The following FAM135B variants were observed in gnomAD, a reference collection of about 807,000 sequenced individuals.
FAM135B encodes family with sequence similarity 135 member B, also known as protein FAM135B.
A neutral mutation model predicts 127.7 loss-of-function variants in FAM135B; 43 were observed. That is an observed-to-expected ratio of 0.34 (90% confidence interval 0.26 to 0.43). The LOEUF (loss-of-function observed/expected upper bound fraction) is 0.43, where lower values mean the gene tolerates loss of function less well. FAM135B is among the 20% of genes least tolerant of loss of function. FAM135B has a pLI of 1.00. For missense variants in FAM135B, 1,558 were observed against 1,725.6 expected (o/e 0.90, Z 1.72); for synonymous variants, 670 against 665.1 (o/e 1.01, Z -0.11).
intron 1 of FAM135B, among the ~76,000 whole-genome samples, chr8:138,374,863 G>A (rs1831363929): frequency 6.6e-6 from 1 of 152,162 alleles, no homozygotes; most frequent in Non-Finnish European, 1.5e-5. Context: ...ATGCTTAGGA[G>A]GAGGGCAGGA....
chr8:138,320,525 T>C (rs960752172), intron 2 of FAM135B, among the ~76,000 whole-genome samples: 2 of 152,234 alleles, frequency 1.3e-5, no homozygotes, highest in Non-Finnish European at 2.9e-5. Flanking sequence ...TCTCGTTTCA[T>C]GTATTTCATT....
chr8:138,152,049 G>C lies in FAM135B; in HGVS notation c.2426C>G (p.Pro809Arg), dbSNP rs1287661546. ...ACCACAAAGTTGAGAGCAAGATCCT[G>C]GGGAACCTTGGCTCTTGCTGTGCAT... ...SDMHSKSQGSPGSCSQLCGDS... is the reference protein window; with the variant it reads ...SDMHSKSQGSRGSCSQLCGDS... The change falls in exon 13 of 20, where the codon CCA becomes CGA. Residue 809 changes from proline (P) to arginine (R), a missense_variant. Pro to Arg is a moderately radical substitution (Grantham distance 103, BLOSUM62 -2). This residue lies in a region of FAM135B where 923 missense variants were observed against 865.3 expected (regional missense o/e 1.07). Transcript: ENST00000395297. 6.2e-7 allele frequency: 1 copy of C among 1,613,968 alleles called. No homozygotes were observed.
intron 1 of FAM135B, among the ~76,000 whole-genome samples, chr8:138,378,603 G>A (rs1831638150): frequency 6.6e-6 from 1 of 152,166 alleles, no homozygotes. Context: ...TAGGAGCAGA[G>A]GGGAGGCTAG....
intron 7 of FAM135B, among the ~76,000 whole-genome samples, chr8:138,202,624 G>A (rs907372348): frequency 6.6e-6 from 1 of 152,168 alleles, no homozygotes; most frequent in African/African-American, 2.4e-5. Context: ...CACAGCAGGT[G>A]CATCACCTGA....
chr8:138,178,515 C>A lies in FAM135B; in HGVS notation c.1029+20G>T, dbSNP rs926559181. 2 of 1,612,458 alleles carry A rather than the reference C, an allele frequency of 1.2e-6. No individual in the cohort carries two copies. The highest frequency in any genetic ancestry group is 1.7e-6 in the Non-Finnish European group (2 of 1,179,692). Reference sequence around the variant, plus strand: ...ATCAAATGCATGTGATCAGAGAATGCACAGCAGTTGGCCACTCACCCTCAG... The same window carrying A: ...ATCAAATGCATGTGATCAGAGAATGAACAGCAGTTGGCCACTCACCCTCAG... On this transcript the variant is annotated intron_variant, in intron 10 of 19. Transcript: ENST00000395297.
chr8:138,424,920 G>T (rs192503861), intron 1 of FAM135B, among the ~76,000 whole-genome samples: 1 of 152,190 alleles, frequency 6.6e-6, no homozygotes, highest in Non-Finnish European at 1.5e-5. Flanking sequence ...TCATTCCTCA[G>T]GTTGCTATTC....
chr8:138,262,122 T>A (rs1345207362), intron 4 of FAM135B, among the ~76,000 whole-genome samples: 1 of 152,192 alleles, frequency 6.6e-6, no homozygotes, highest in Admixed American at 6.5e-5. Context: ...CAACATGTAA[T>A]GTGAAATAGA....
chr8:138,208,791 G>C (rs144541269), intron 7 of FAM135B, among the ~76,000 whole-genome samples: 3 of 152,034 alleles, frequency 2.0e-5, no homozygotes, highest in African/African-American at 7.2e-5. Flanking sequence ...CCTTCCACTG[G>C]TGTACTTAAG....
intron 1 of FAM135B, among the ~76,000 whole-genome samples, chr8:138,392,506 G>A (rs1832633706): frequency 6.6e-6 from 1 of 152,104 alleles, no homozygotes; most frequent in Non-Finnish European, 1.5e-5. Flanking sequence ...TGTGAATACT[G>A]CAATCAACCT....
At chr8:138,420,622 C>T (rs540721498) in intron 1 of FAM135B, among the ~76,000 whole-genome samples, 12 of 152,076 alleles carry the variant, frequency 7.9e-5, no homozygotes, top group Admixed American at 2.6e-4. Flanking sequence ...AATCCACCAG[C>T]ACATCAAAAA....
intron 1 of FAM135B, among the ~76,000 whole-genome samples, chr8:138,430,668 T>A (rs993723293): frequency 6.6e-6 from 1 of 152,118 alleles, no homozygotes; most frequent in Non-Finnish European, 1.5e-5. Context: ...GGTGGCAGAG[T>A]TGGCCTGGGT....
At chr8:138,408,779 G>T (rs1589226) in intron 1 of FAM135B, among the ~76,000 whole-genome samples, 42,677 of 151,786 alleles carry the variant, frequency 0.28, 6,300 homozygotes, top group Non-Finnish European at 0.32. Context: ...CATGAGAACA[G>T]CATGGGGGAA....
intron 2 of FAM135B, among the ~76,000 whole-genome samples, chr8:138,337,595 A>C (rs895482094): frequency 6.6e-6 from 1 of 152,192 alleles, no homozygotes; most frequent in African/African-American, 2.4e-5. Flanking sequence ...ACCACTGCTC[A>C]ATGAAATAAA....
At chr8:138,493,769 T>A (rs1218117151) in intron 1 of FAM135B, among the ~76,000 whole-genome samples, 3 of 152,234 alleles carry the variant, frequency 2.0e-5, no homozygotes, top group Non-Finnish European at 4.4e-5. Context: ...AATGAACTAC[T>A]TTTATGGCAC....
intron 9 of FAM135B, among the ~76,000 whole-genome samples, chr8:138,190,558 C>A (rs189512843): frequency 1.1e-3 from 171 of 152,306 alleles, no homozygotes; most frequent in African/African-American, 3.9e-3. Context: ...TGCAAAGCTG[C>A]GTCTTTAAGC....
intron 2 of FAM135B, among the ~76,000 whole-genome samples, chr8:138,340,192 T>C (rs1388111368): frequency 6.6e-6 from 1 of 152,184 alleles, no homozygotes; most frequent in African/African-American, 2.4e-5. Flanking sequence ...CCTGGATTTC[T>C]GAAAGCCCCA....
chr8:138,305,908 TAC>T (rs1826216163), intron 3 of FAM135B, among the ~76,000 whole-genome samples: 1 of 152,188 alleles, frequency 6.6e-6, no homozygotes, highest in African/African-American at 2.4e-5. Context: ...TGAAATTATA[TAC>T]ACACATGCAT....
intron 2 of FAM135B, among the ~76,000 whole-genome samples, chr8:138,361,088 G>C (rs1364666854): frequency 6.6e-6 from 1 of 152,086 alleles, no homozygotes; most frequent in African/African-American, 2.4e-5. Context: ...ACCATGTCCA[G>C]CTAATTTTTT....
At chr8:138,449,516 T>A (rs1344153942) in intron 1 of FAM135B, among the ~76,000 whole-genome samples, 1 of 151,994 alleles carries the variant, frequency 6.6e-6, no homozygotes, top group African/African-American at 2.4e-5. Context: ...GAAGGGGTGG[T>A]CATCTAAGTG....
Sources: allele counts gnomAD v4.1 joint callset (sites outside exome capture counted in the v4.1 genomes callset), GRCh38; gene constraint gnomAD v4.1.1; regional missense constraint gnomAD v4.1.1; transcripts MANE v1.5; gene names NCBI Gene and HGNC (gene_info 2026-07-23, HGNC 2026-07-21).